RBKS: variants seen among roughly 807,000 people sequenced by gnomAD.
RBKS encodes ribokinase.
In RBKS, 33 loss-of-function variants were observed where a neutral mutation model predicts 33.9. That is an observed-to-expected ratio of 0.97 (90% CI 0.74 to 1.30). The LOEUF (loss-of-function observed/expected upper bound fraction) is 1.30. Ranked by LOEUF, RBKS falls within the 50% of genes most tolerant of loss-of-function variation. RBKS has a pLI of 0.00. For synonymous variants in RBKS, 125 were observed against 143.0 expected, an observed-to-expected ratio of 0.87 and a Z score of 0.90; for missense variants, 361 against 392.6, an observed-to-expected ratio of 0.92 and a Z score of 0.68.
At position 27,781,644 on chromosome 2, in the gene RBKS, TG is replaced by T. The variant is rs754665408; in HGVS notation, c.939del (p.Tyr313Ter). 1.9e-5 allele frequency: 30 copies of T among 1,612,874 alleles called. No individual in the cohort carries two copies. The highest frequency in any genetic ancestry group is 2.4e-5 in the Non-Finnish European group (28 of 1,179,636). On this transcript the variant is annotated frameshift_variant, in exon 8 of 8. Transcript: ENST00000302188. LOFTEE classifies it high-confidence loss of function. ...AACAGAGTAAGCGGAAGGTCTTTTT[TG>T]TAAGGGTAAGATGACTGTGTTCCTG... ...QAAGTQSSYP[Y>X]KKDLPLTLF is the part of the protein sequence containing the mutation.
At chr2:27,875,111 A>G (rs1341068603) in intron 1 of RBKS, among the ~76,000 whole-genome samples, 2 of 152,384 alleles carry the variant, frequency 1.3e-5, no homozygotes, top group East Asian at 1.9e-4. Flanking sequence ...GTAATCAAAC[A>G]TGAAAACATT....
Position 27,798,700 on chromosome 2 carries a change from G to A in RBKS, c.796-16912C>T, listed in dbSNP as rs1677711054. 3.3e-5 allele frequency among the ~76,000 whole-genome samples: 5 copies of A among 152,230 alleles called. No individual in the cohort carries two copies. In the South Asian group the frequency reaches 1.0e-3, roughly 32 times the overall value. Reference sequence around the variant, plus strand: ...TCAACTTCTTAACATGGCACACGAGGTTCCCTAAACCACTTTTCCAGTTTC... The same window carrying A: ...TCAACTTCTTAACATGGCACACGAGATTCCCTAAACCACTTTTCCAGTTTC... On this transcript the variant is annotated intron_variant, in intron 7 of 7. Transcript: ENST00000302188.
intron 5 of RBKS, among the ~76,000 whole-genome samples, chr2:27,836,472 T>C (rs899193813): frequency 2.0e-5 from 3 of 152,166 alleles, no homozygotes; most frequent in Admixed American, 1.3e-4. Context: ...GACCCTTATC[T>C]TTCACCATAT....
chr2:27,792,975 C>A (rs1677567290), intron 7 of RBKS, among the ~76,000 whole-genome samples: 2 of 152,130 alleles, frequency 1.3e-5, no homozygotes, highest in African/African-American at 4.8e-5. Flanking sequence ...TAGAGTGGAG[C>A]ATAGATTAAA....
Position 27,890,277 on chromosome 2 carries a change from G to A in RBKS, c.69C>T (p.Ser23=). ...CTAACCTGACCAGGTCGGTCATGCA[G>A]GAGCCCACCACTACCACCGCCGCCA... The part of the protein sequence containing the change: ...EEVAAVVVVG[S]CMTDLVSLTS... Residue 23 remains serine (S), a synonymous_variant, in exon 1 of 8, where the codon TCC becomes TCT. Transcript: ENST00000302188. This position sits in a 1 kb window ranked among gnomAD's most constrained non-coding sequence, Gnocchi z 4.8. 6.2e-7 allele frequency: 1 copy of A among 1,613,808 alleles called. No homozygotes were observed. The highest frequency in any genetic ancestry group is 8.5e-7 in the Non-Finnish European group (1 of 1,180,008).
intron 7 of RBKS, among the ~76,000 whole-genome samples, chr2:27,826,270 G>A (rs149620151): frequency 4.6e-5 from 7 of 152,002 alleles, no homozygotes; most frequent in Admixed American, 2.6e-4. Context: ...TTTTAAAGTC[G>A]CTTCTAAGCA....
intron 7 of RBKS, among the ~76,000 whole-genome samples, chr2:27,788,434 G>A (rs1677447016): frequency 6.6e-6 from 1 of 152,184 alleles, no homozygotes; most frequent in African/African-American, 2.4e-5. Context: ...AGCCAGGCGC[G>A]GTGGCTCACG....
At chr2:27,881,999 A>G (rs1219425036) in intron 1 of RBKS, among the ~76,000 whole-genome samples, 1 of 152,254 alleles carries the variant, frequency 6.6e-6, no homozygotes, top group African/African-American at 2.4e-5. Context: ...CTCTGGACAT[A>G]GCACAGGCAA....
At chr2:27,849,850 C>A (rs866935775) in intron 2 of RBKS, among the ~76,000 whole-genome samples, 3 of 152,134 alleles carry the variant, frequency 2.0e-5, no homozygotes, top group Admixed American at 6.6e-5. Flanking sequence ...AGGGGCCAGG[C>A]CTTTAGGTCT....
intron 7 of RBKS, among the ~76,000 whole-genome samples, chr2:27,805,437 C>T (rs1025813303): frequency 6.6e-6 from 1 of 152,228 alleles, no homozygotes; most frequent in Non-Finnish European, 1.5e-5. Context: ...CCTTGCACTG[C>T]TGGTGTGTGC....
chr2:27,789,083 A>G (rs1022955360), intron 7 of RBKS, among the ~76,000 whole-genome samples: 1 of 152,226 alleles, frequency 6.6e-6, no homozygotes, highest in African/African-American at 2.4e-5. Context: ...CATAAGCTAC[A>G]GTAATTAGAC....
intron 1 of RBKS, among the ~76,000 whole-genome samples, chr2:27,875,221 G>C (rs1217282105): frequency 6.6e-6 from 1 of 152,094 alleles, no homozygotes; most frequent in African/African-American, 2.4e-5. Context: ...CTTTTATGAA[G>C]GCAAATAGGC....
Position 27,810,330 on chromosome 2 carries a change from A to G in RBKS, c.795+17237T>C, listed in dbSNP as rs1181560890. ...ATTATGTTGCAAAAGAGTTACCTTC[A>G]AATGTCAGTTACTTTAAATGAAGGA... On this transcript the variant is annotated intron_variant, in intron 7 of 7. Transcript: ENST00000302188. The surrounding 1 kb of genome is among the most constrained non-coding windows in gnomAD (Gnocchi z 4.4). Among the ~76,000 whole-genome samples, 2 of 152,154 alleles carry G rather than the reference A, an allele frequency of 1.3e-5. No individual in the cohort carries two copies. Among genetic ancestry groups the G allele is most frequent in the Admixed American group, 6.5e-5 (1 of 15,268 alleles).
At chr2:27,783,604 C>G (rs1268273430) in intron 7 of RBKS, among the ~76,000 whole-genome samples, 1 of 151,932 alleles carries the variant, frequency 6.6e-6, no homozygotes, top group Non-Finnish European at 1.5e-5. Flanking sequence ...ACTACACAGT[C>G]TCACTTGAAA....
chr2:27,806,817 C>T (rs1173651953), intron 7 of RBKS, among the ~76,000 whole-genome samples: 1 of 152,196 alleles, frequency 6.6e-6, no homozygotes, highest in Non-Finnish European at 1.5e-5. Flanking sequence ...TGTTAAAACA[C>T]CGACTGCTGG....
rs1053152321 is a variant in RBKS, at chr2:27,867,463, C to T, written c.90-8892G>A. ...CCGAATTGAAAATGAAGTTATGTGA[C>T]GGGAGTCTTTATAAACTTAGTTGGG... On this transcript the variant is annotated intron_variant, in intron 1 of 7. Transcript: ENST00000302188. 8.6e-5 allele frequency among the ~76,000 whole-genome samples: 13 copies of T among 151,866 alleles called. 1 individual carries two copies. The highest frequency in any genetic ancestry group is 1.9e-4 in the East Asian group (1 of 5,176).
intron 2 of RBKS, among the ~76,000 whole-genome samples, chr2:27,857,934 A>T (rs1206983359): frequency 2.6e-5 from 4 of 152,252 alleles, no homozygotes; most frequent in African/African-American, 9.6e-5. Flanking sequence ...TATTCATAAC[A>T]GCCAAAAGGT....
Position 27,874,554 on chromosome 2 carries a change from C to T in RBKS, c.89+15703G>A, listed in dbSNP as rs571790500. Among the ~76,000 whole-genome samples the T allele has an allele frequency of 3.3e-5, 5 of 152,310 alleles. No individual in the cohort carries two copies. The South Asian group carries it at 8.3e-4, about 25-fold the overall frequency. Reference sequence around the variant, plus strand: ...TTACCACAGCAGAGAGACTGGATAACCAGGTATGATGCCACTTATACGCTG... The same window carrying T: ...TTACCACAGCAGAGAGACTGGATAATCAGGTATGATGCCACTTATACGCTG... On this transcript the variant is annotated intron_variant, in intron 1 of 7. Transcript: ENST00000302188.
chr2:27,890,112 G>T lies in RBKS; in HGVS notation c.89+145C>A. ...TTCTTTCATGCCAGGAAGGTAGGCT[G>T]AAGGCTTCGAAAACCTGCAGCTCAT... On this transcript the variant is annotated intron_variant, in intron 1 of 7. Coordinates refer to ENST00000302188, the MANE Select transcript of RBKS (RefSeq NM_022128.3). This position sits in a 1 kb window ranked among gnomAD's most constrained non-coding sequence, Gnocchi z 4.8. The T allele has an allele frequency of 1.5e-6, 1 of 651,658 alleles. No individual in the cohort carries two copies. The highest frequency in any genetic ancestry group is 2.6e-6 in the Non-Finnish European group (1 of 381,330). 40.4% of individuals were successfully genotyped at this position (651,658 alleles called of 1,614,324 possible). A position where few individuals can be genotyped will look rare whatever the true frequency, so the allele number is the denominator to read the frequency against.
Sources: allele counts gnomAD v4.1 joint callset (sites outside exome capture counted in the v4.1 genomes callset), GRCh38; gene constraint gnomAD v4.1.1; non-coding constraint Gnocchi (gnomAD v3.1); transcripts MANE v1.5; gene names NCBI Gene and HGNC (gene_info 2026-07-23, HGNC 2026-07-21).